ADAM12: variants seen among roughly 807,000 people sequenced by gnomAD.
ADAM12 encodes the protein disintegrin and metalloproteinase domain-containing protein 12.
Under a neutral mutation model 106.4 loss-of-function variants are expected in ADAM12, and 70 were observed. The ratio of observed to expected loss-of-function variants is 0.66; its 90% CI spans 0.54 to 0.80. ADAM12 has a LOEUF of 0.80. Ranked by LOEUF, ADAM12 falls within the 30% of genes least tolerant of loss-of-function variation. The pLI is 0.00. For missense variants in ADAM12, 1,010 were observed against 1,171.9 expected (o/e 0.86, Z 2.02); for synonymous variants, 420 against 433.5 (o/e 0.97, Z 0.39).
chr10:126,032,509 A>G (rs1473417193), intron 21 of ADAM12, among the ~76,000 whole-genome samples: 2 of 152,200 alleles, frequency 1.3e-5, no homozygotes, highest in African/African-American at 4.8e-5. Flanking sequence ...CTTTAAAGGA[A>G]ATCTTGCAAG....
chr10:126,120,271 A>G (rs923333314), intron 5 of ADAM12, among the ~76,000 whole-genome samples: 21 of 152,210 alleles, frequency 1.4e-4, no homozygotes, highest in Non-Finnish European at 2.1e-4. Context: ...AAGGCATACA[A>G]TTTTATTTTA....
Position 126,257,259 on chromosome 10 carries a change from T to G in ADAM12, c.260+21656A>C, listed in dbSNP as rs564349037. ...GGAATGATGTCAGGCAGTGATGTCC[T>G]AAAGCCCAGACACCAGGTATGCCCA... is the stretch of plus-strand genomic sequence containing the variant. On this transcript the variant is annotated intron_variant, in intron 3 of 22. Transcript: ENST00000448723. Among the ~76,000 whole-genome samples, 3 of 152,228 alleles carry G rather than the reference T, an allele frequency of 2.0e-5. No individual in the cohort carries two copies. The East Asian group carries it at 5.8e-4, about 29-fold the overall frequency.
intron 11 of ADAM12, among the ~76,000 whole-genome samples, chr10:126,090,244 C>T (rs1955437029): frequency 6.7e-6 from 1 of 149,446 alleles, no homozygotes; most frequent in Admixed American, 6.7e-5. Flanking sequence ...ATATGACTTG[C>T]AGATTCACCT....
chr10:126,382,033 G>A (rs1210635892), intron 1 of ADAM12, among the ~76,000 whole-genome samples: 1 of 152,026 alleles, frequency 6.6e-6, no homozygotes, highest in Non-Finnish European at 1.5e-5. Context: ...TTGGAAGATG[G>A]AAAGGGGATG....
intron 19 of ADAM12, 139 bp from the exon 20 acceptor site, chr10:126,038,488 T>A: frequency 1.7e-6 from 1 of 604,412 alleles, no homozygotes; most frequent in Non-Finnish European, 2.8e-6. Flanking sequence ...AAAAATTACC[T>A]AATAACACTC....
chr10:126,044,791 A>G (rs916923161), intron 17 of ADAM12, among the ~76,000 whole-genome samples: 1 of 152,204 alleles, frequency 6.6e-6, no homozygotes, highest in Non-Finnish European at 1.5e-5. Context: ...AATTGAGTAG[A>G]ACTTGTCAGC....
chr10:126,129,017 A>T (rs900760970), intron 5 of ADAM12, among the ~76,000 whole-genome samples: 1 of 152,236 alleles, frequency 6.6e-6, no homozygotes, highest in Non-Finnish European at 1.5e-5. Flanking sequence ...ACCCCATTTA[A>T]AAAGGAAATA....
intron 1 of ADAM12, among the ~76,000 whole-genome samples, chr10:126,367,689 A>G (rs1456737308): frequency 6.6e-6 from 1 of 152,068 alleles, no homozygotes; most frequent in African/African-American, 2.4e-5. Context: ...TACCAATTTT[A>G]GGAATTAAAG....
In ADAM12 at chr10:126,012,483, T is replaced by C. The variant is rs1953586975; in HGVS notation, c.*4796A>G. The C allele has an allele frequency of 6.6e-6, 1 of 152,174 alleles. No homozygotes were observed. Among genetic ancestry groups the C allele is most frequent in the Non-Finnish European group, 1.5e-5 (1 of 68,024 alleles). The allele number at this position is 152,174 out of a possible 1,614,324, so 9.4% of individuals were successfully genotyped here. A position where few individuals can be genotyped will look rare whatever the true frequency, so the allele number is the denominator to read the frequency against. On this transcript the variant is annotated 3_prime_UTR_variant, in exon 23 of 23. Coordinates refer to ENST00000448723, the MANE Select transcript of ADAM12 (RefSeq NM_001288973.2). ...TGTGTTTACCTGTCGAACCCCAATA[T>C]GAGAAATGTGTACAAAAGCAACAGA... is the stretch of plus-strand genomic sequence containing the variant.
At chr10:126,241,602 A>G (rs1033857592) in intron 3 of ADAM12, among the ~76,000 whole-genome samples, 1 of 152,202 alleles carries the variant, frequency 6.6e-6, no homozygotes, top group Non-Finnish European at 1.5e-5. Flanking sequence ...TGAGGCCATG[A>G]CAAAGCAGGT....
Position 126,038,342 on chromosome 10 carries a change from G to A in ADAM12, c.2248C>T (p.Arg750Cys), listed in dbSNP as rs199803722. The A allele has an allele frequency of 1.1e-5, 18 of 1,588,410 alleles. No homozygotes were observed. The highest frequency in any genetic ancestry group is 1.0e-4 in the Admixed American group (6 of 57,534). ...KTTIEKLRCV[R>C]PSRPPRGFQP... is the part of the protein sequence containing the mutation. ...AAGCCACGGGGTGGCCGGGAAGGGC[G>A]CACACACCTGCAACAGAATCCCATA... Residue 750 changes from arginine to cysteine, a missense_variant, in exon 20 of 23, where the codon CGC becomes TGC. By Grantham distance (180) the Arg-to-Cys change is radical. Around this residue, in one of 3 missense-constraint regions of ADAM12, gnomAD observed 615 missense variants for 708.5 expected, o/e 0.87. Transcript: ENST00000448723.
Position 126,030,356 on chromosome 10 carries a change from T to G in ADAM12, c.2529+5790A>C, listed in dbSNP as rs183401454. On this transcript the variant is annotated intron_variant, in intron 21 of 22. Transcript: ENST00000448723. Reference sequence around the variant, plus strand: ...CAGAGAGGTGGGTGGGGGGTAGAGCTGAGACTTTTCATTGTATCCCAAATT... The same window carrying G: ...CAGAGAGGTGGGTGGGGGGTAGAGCGGAGACTTTTCATTGTATCCCAAATT... Among the ~76,000 whole-genome samples, 927 of 152,322 alleles carry G rather than the reference T, an allele frequency of 6.1e-3. 43 individuals are homozygous for G. Among genetic ancestry groups the G allele is most frequent in the East Asian group, 6.8e-3 (35 of 5,178 alleles).
rs541618958 is a variant in ADAM12 at position 126,348,151 on chromosome 10, A to G, written c.89-17642T>C. On this transcript the variant is annotated intron_variant, in intron 1 of 22. Coordinates refer to ENST00000448723, the MANE Select transcript of ADAM12 (RefSeq NM_001288973.2). ...AGTTACGGACAGAGAGAAGAGAGAA[A>G]AAGAAACCTCTTCTGAATGTCAGTA... Among the ~76,000 whole-genome samples, 5 of 152,314 alleles carry G rather than the reference A, an allele frequency of 3.3e-5. No homozygotes were observed. In the East Asian group the frequency reaches 9.7e-4, roughly 29 times the overall value.
chr10:126,299,924 G>A (rs948892597), intron 2 of ADAM12, among the ~76,000 whole-genome samples: 2 of 152,186 alleles, frequency 1.3e-5, no homozygotes, highest in East Asian at 3.9e-4. Context: ...GATTACAGGG[G>A]TGAGCCACCT....
At chr10:126,082,249 A>G (rs534788156) in intron 11 of ADAM12, among the ~76,000 whole-genome samples, 114 of 150,542 alleles carry the variant, frequency 7.6e-4, no homozygotes, top group Non-Finnish European at 1.4e-3. Flanking sequence ...ACATGAGCTC[A>G]CCCCACATCT....
chr10:126,331,506 G>A (rs529143333), intron 1 of ADAM12, among the ~76,000 whole-genome samples: 4 of 152,280 alleles, frequency 2.6e-5, no homozygotes, highest in Non-Finnish European at 5.9e-5. Context: ...ATTTTATCAT[G>A]CTCAATGTGG....
At chr10:126,133,529 C>A (rs1364576018) in intron 5 of ADAM12, among the ~76,000 whole-genome samples, 2 of 152,188 alleles carry the variant, frequency 1.3e-5, no homozygotes, top group South Asian at 2.1e-4. Flanking sequence ...AAGACACCTA[C>A]CCAAGCCTCC....
intron 8 of ADAM12, among the ~76,000 whole-genome samples, chr10:126,103,543 G>A (rs951639321): frequency 1.3e-5 from 2 of 152,208 alleles, no homozygotes; most frequent in Non-Finnish European, 2.9e-5. Flanking sequence ...GGAGAAGTCA[G>A]GTGACTTAAG....
intron 3 of ADAM12, among the ~76,000 whole-genome samples, chr10:126,182,287 A>C (rs930249256): frequency 2.0e-5 from 3 of 152,210 alleles, no homozygotes; most frequent in African/African-American, 7.2e-5. Context: ...CAGCATACTT[A>C]TTTGCAGTAT....
Sources: gnomAD v4.1 joint callset for allele counts (sites outside exome capture counted in the v4.1 genomes callset) on GRCh38, gnomAD v4.1.1 for gene constraint, gnomAD v4.1.1 regional missense constraint, MANE v1.5 for transcripts, NCBI Gene and HGNC (gene_info 2026-07-23, HGNC 2026-07-21) for gene names.